Variants in RPIA observed in about 807,000 individuals in gnomAD.
RPIA encodes the protein ribose 5-phosphate isomerase A.
In RPIA, 29 loss-of-function variants were observed where a neutral mutation model predicts 37.8. The observed-to-expected ratio is 0.77, with a 90% CI of 0.57 to 1.05. The LOEUF (loss-of-function observed/expected upper bound fraction) is 1.05. RPIA is among the 50% of genes least tolerant of loss of function. RPIA has a pLI of 0.00. For missense variants in RPIA, 385 were observed against 413.6 expected, an observed-to-expected ratio of 0.93 and a Z score of 0.60; for synonymous variants, 167 against 157.0, an observed-to-expected ratio of 1.06 and a Z score of -0.48.
chr2:88,718,980 T>A (rs1408873446), intron 3 of RPIA, among the ~76,000 whole-genome samples: 1 of 152,194 alleles, frequency 6.6e-6, no homozygotes, highest in East Asian at 1.9e-4. Flanking sequence ...ATTAGTTTAG[T>A]CCCTGCAGTT....
chr2:88,742,432 T>C lies in RPIA; in HGVS notation c.838+4356T>C, dbSNP rs117500731. ...TATGCCTGTTTTTATACCAGTACCA[T>C]GCTGTTTGGTGACCATGACCTTATA... On this transcript the variant is annotated intron_variant, in intron 8 of 8. Transcript: ENST00000283646. Among the ~76,000 whole-genome samples, 706 of 152,320 alleles carry C rather than the reference T, an allele frequency of 4.6e-3. 30 individuals carry two copies. The East Asian group carries it at 0.11, about 24-fold the overall frequency.
intron 1 of RPIA, among the ~76,000 whole-genome samples, chr2:88,693,579 G>A (rs138792303): frequency 6.6e-6 from 1 of 152,300 alleles, no homozygotes; most frequent in Non-Finnish European, 1.5e-5. Context: ...CTGTGTGTTC[G>A]TTTCTTCCAG....
intron 8 of RPIA, among the ~76,000 whole-genome samples, chr2:88,746,426 G>C (rs1030907614): frequency 6.6e-6 from 1 of 152,214 alleles, no homozygotes; most frequent in Non-Finnish European, 1.5e-5. Flanking sequence ...AAGGGCTGCT[G>C]TTCAGATTCT....
intron 8 of RPIA, among the ~76,000 whole-genome samples, chr2:88,741,003 C>T (rs1173814880): frequency 1.3e-5 from 2 of 152,062 alleles, no homozygotes; most frequent in Non-Finnish European, 2.9e-5. Flanking sequence ...TTTCGTCACT[C>T]GATCACTACT....
chr2:88,742,764 T>C (rs1238087183), intron 8 of RPIA, among the ~76,000 whole-genome samples: 1 of 152,170 alleles, frequency 6.6e-6, no homozygotes, highest in South Asian at 2.1e-4. Context: ...TTCACCTCCT[T>C]GGTTGGGTAT....
At chr2:88,700,162 G>T in intron 3 of RPIA, 98 bp downstream of exon 3, 2 of 1,157,962 alleles carry the variant, frequency 1.7e-6, no homozygotes, top group Non-Finnish European at 2.6e-6. Context: ...CCTCAAGGTT[G>T]TTCTAGGTCA....
chr2:88,691,691 G>A lies in RPIA; in HGVS notation c.-8G>A, dbSNP rs540040953. 1.0e-5 allele frequency: 16 copies of A among 1,568,174 alleles called. No homozygotes were observed. The highest frequency in any genetic ancestry group is 2.7e-5 in the African/African-American group (2 of 73,524). On this transcript the variant is annotated 5_prime_UTR_variant, in exon 1 of 9. Coordinates refer to ENST00000283646, the MANE Select transcript of RPIA (RefSeq NM_144563.3). Reference sequence around the variant, plus strand: ...GGACTTCAGCGGAGGCCGGAGCGAGGCGTCGGGATGCAGCGCCCCGGGCCC... The same window carrying A: ...GGACTTCAGCGGAGGCCGGAGCGAGACGTCGGGATGCAGCGCCCCGGGCCC...
At chr2:88,747,841 G>C (rs538815751) in intron 8 of RPIA, among the ~76,000 whole-genome samples, 27 of 152,148 alleles carry the variant, frequency 1.8e-4, no homozygotes, top group Non-Finnish European at 3.4e-4. Flanking sequence ...GTTTGCAGCA[G>C]CAAGCCACTT....
intron 8 of RPIA, among the ~76,000 whole-genome samples, chr2:88,739,361 G>A (rs899842313): frequency 1.3e-5 from 2 of 152,142 alleles, no homozygotes; most frequent in Non-Finnish European, 2.9e-5. Flanking sequence ...CTCTGTGCCC[G>A]AGTTTCTTCC....
chr2:88,736,757 G>A, intron 7 of RPIA, 81 bp downstream of exon 7: 2 of 1,492,332 alleles, frequency 1.3e-6, no homozygotes, highest in Non-Finnish European at 1.8e-6. Flanking sequence ...TTGCAGTTAG[G>A]TCATGTGTGC....
chr2:88,729,197 A>G, intron 3 of RPIA, 81 bp from the exon 4 acceptor site: 1 of 1,467,556 alleles, frequency 6.8e-7, no homozygotes, highest in Non-Finnish European at 9.5e-7. Context: ...GACTTGGGAC[A>G]CTTAAATCCA....
intron 1 of RPIA, among the ~76,000 whole-genome samples, chr2:88,697,496 C>G (rs146629859): frequency 3.3e-5 from 5 of 152,210 alleles, no homozygotes; most frequent in Non-Finnish European, 7.3e-5. Flanking sequence ...ACCCTGGCCT[C>G]GTTTTGCTCT....
intron 3 of RPIA, among the ~76,000 whole-genome samples, chr2:88,702,472 G>C (rs768000407): frequency 2.0e-5 from 3 of 152,212 alleles, no homozygotes; most frequent in Non-Finnish European, 4.4e-5. Context: ...AAAGCAAGGA[G>C]GAACAAGTCT....
chr2:88,734,566 C>G lies in RPIA; in HGVS notation c.477C>G (p.Ile159Met), dbSNP rs749368086. The G allele has an allele frequency of 6.2e-7, 1 of 1,614,108 alleles. No homozygotes were observed. Among genetic ancestry groups the G allele is most frequent in the Admixed American group, 1.7e-5 (1 of 60,018 alleles). The stretch of plus-strand genomic sequence containing the variant: ...CCCCAATACAGATCGACCTTGCCAT[C>G]GATGGTGCTGATGAAGTAGATGCTG... Reference protein sequence around the residue: ...LDRHPEIDLAIDGADEVDADL... With the variant: ...LDRHPEIDLAMDGADEVDADL... The change falls in exon 5 of 9, where the codon ATC becomes ATG. Residue 159 changes from isoleucine to methionine, a missense_variant. Ile to Met is a conservative substitution (Grantham distance 10). Around this residue, in one of 2 missense-constraint regions of RPIA, gnomAD observed 153 missense variants for 210.6 expected, o/e 0.73. Transcript: ENST00000283646.
At chr2:88,737,945 A>C in intron 7 of RPIA, 32 bp from the exon 8 acceptor site, 1 of 1,533,216 alleles carries the variant, frequency 6.5e-7, no homozygotes, top group Non-Finnish European at 9.0e-7. Flanking sequence ...CTGTATCTGC[A>C]TCCTTGGTCA....
At chr2:88,721,640 C>T (rs1673133255) in intron 3 of RPIA, among the ~76,000 whole-genome samples, 1 of 142,548 alleles carries the variant, frequency 7.0e-6, no homozygotes, top group Admixed American at 7.3e-5. Flanking sequence ...GGAACCAGCC[C>T]AAATGCCCAT....
intron 3 of RPIA, among the ~76,000 whole-genome samples, chr2:88,710,412 A>C (rs564108871): frequency 3.3e-4 from 51 of 152,318 alleles, no homozygotes; most frequent in African/African-American, 1.2e-3. Flanking sequence ...GAGGTGAGAC[A>C]GTGGAAACAT....
intron 8 of RPIA, among the ~76,000 whole-genome samples, chr2:88,738,945 G>C (rs760510918): frequency 2.0e-5 from 3 of 152,178 alleles, no homozygotes; most frequent in African/African-American, 7.2e-5. Flanking sequence ...GCGAGGAGAG[G>C]CTGTGTGAAA....
At chr2:88,702,590 G>A (rs999303312) in intron 3 of RPIA, among the ~76,000 whole-genome samples, 40 of 149,292 alleles carry the variant, frequency 2.7e-4, no homozygotes, top group African/African-American at 9.1e-4. Context: ...TGAGAACAGC[G>A]TGGAGGAAAC....
Sources: allele counts gnomAD v4.1 joint callset (sites outside exome capture counted in the v4.1 genomes callset), GRCh38; gene constraint gnomAD v4.1.1; regional missense constraint gnomAD v4.1.1; transcripts MANE v1.5; gene names NCBI Gene and HGNC (gene_info 2026-07-23, HGNC 2026-07-21).